Variants in DPP10 observed in about 807,000 individuals in gnomAD.
DPP10 encodes the protein dipeptidyl peptidase like 10.
DPP10 carries 33 observed loss-of-function variants against 120.9 expected under a neutral mutation model. The ratio of observed to expected loss-of-function variants is 0.27; its 90% CI spans 0.21 to 0.37. The LOEUF (loss-of-function observed/expected upper bound fraction) is 0.37, where lower values mean the gene tolerates loss of function less well. Ranked by LOEUF, DPP10 falls within the 10% of genes least tolerant of loss-of-function variation. DPP10 has a pLI of 1.00. For missense variants in DPP10, 816 were observed against 942.8 expected (o/e 0.87, Z 1.76); for synonymous variants, 337 against 326.1 (o/e 1.03, Z -0.36).
intron 1 of DPP10, among the ~76,000 whole-genome samples, chr2:114,460,897 A>G (rs1051933350): frequency 6.6e-6 from 1 of 152,206 alleles, no homozygotes. Flanking sequence ...TAATTGTGAT[A>G]TAATTGTTTG....
intron 5 of DPP10, among the ~76,000 whole-genome samples, chr2:115,540,535 C>T (rs1215097605): frequency 6.6e-6 from 1 of 151,776 alleles, no homozygotes; most frequent in East Asian, 1.9e-4. Context: ...ATAAGAGATA[C>T]CTTACAGGCT....
intron 1 of DPP10, among the ~76,000 whole-genome samples, chr2:114,899,359 A>G (rs1337697282): frequency 6.6e-6 from 1 of 152,136 alleles, no homozygotes; most frequent in Non-Finnish European, 1.5e-5. Context: ...AAAAATTAAC[A>G]GTTGGATACT....
chr2:115,562,717 C>G (rs989376082), intron 5 of DPP10, among the ~76,000 whole-genome samples: 1 of 152,192 alleles, frequency 6.6e-6, no homozygotes, highest in African/African-American at 2.4e-5. Context: ...AAAACATAAT[C>G]TCCCCAAAGG....
chr2:115,671,857 T>C (rs2089902886), intron 5 of DPP10, among the ~76,000 whole-genome samples: 1 of 152,196 alleles, frequency 6.6e-6, no homozygotes, highest in Non-Finnish European at 1.5e-5. Context: ...TTATTCAGCA[T>C]TTCTAGAGAA....
intron 24 of DPP10, among the ~76,000 whole-genome samples, chr2:115,839,113 C>T (rs908764397): frequency 1.3e-5 from 2 of 152,180 alleles, no homozygotes; most frequent in Non-Finnish European, 2.9e-5. Flanking sequence ...TTACCTCTGT[C>T]ATTGACCTTA....
Position 115,134,814 on chromosome 2 carries a change from T to C in DPP10, c.61-174425T>C, listed in dbSNP as rs1392803022. On this transcript the variant is annotated intron_variant, in intron 1 of 25. Transcript: ENST00000410059. ...ATTATATTACGTTTTGCTATTTTAG[T>C]AATGGAAAATTTTAAGCTCATGAAA... 4.6e-5 allele frequency among the ~76,000 whole-genome samples: 7 copies of C among 152,076 alleles called. No homozygotes were observed. In the East Asian group the frequency reaches 1.3e-3, roughly 29 times the overall value.
At chr2:115,089,443 G>A (rs1038526977) in intron 1 of DPP10, among the ~76,000 whole-genome samples, 1 of 152,112 alleles carries the variant, frequency 6.6e-6, no homozygotes, top group Non-Finnish European at 1.5e-5. Context: ...TGAGCACTCT[G>A]CCGTTTTCCA....
chr2:115,386,993 A>G (rs957260538), intron 3 of DPP10, among the ~76,000 whole-genome samples: 2 of 152,036 alleles, frequency 1.3e-5, no homozygotes. Context: ...AGCTAAACAT[A>G]TATATCTTAA....
Position 115,673,982 on chromosome 2 carries a change from C to T in DPP10, c.442-15705C>T, listed in dbSNP as rs375387907. ...ATCCCAGCACTTTGGGAGACCAAGGCGGGTGGATCACCTGAGGTCAGGAGT... is the reference window on the plus strand; with the variant it reads ...ATCCCAGCACTTTGGGAGACCAAGGTGGGTGGATCACCTGAGGTCAGGAGT... On this transcript the variant is annotated intron_variant, in intron 5 of 25. Transcript: ENST00000410059. 1.4e-4 allele frequency among the ~76,000 whole-genome samples: 22 copies of T among 152,186 alleles called. No individual in the cohort carries two copies. The East Asian group carries it at 3.7e-3, about 25-fold the overall frequency.
intron 9 of DPP10, among the ~76,000 whole-genome samples, chr2:115,742,987 C>A (rs1034428454): frequency 4.0e-5 from 6 of 151,248 alleles, no homozygotes; most frequent in African/African-American, 1.5e-4. Context: ...ATCCCAGTAA[C>A]CTCAGGTTAA....
intron 1 of DPP10, among the ~76,000 whole-genome samples, chr2:115,070,090 AAAAC>A (rs1707246993): frequency 6.6e-6 from 1 of 152,232 alleles, no homozygotes; most frequent in East Asian, 1.9e-4. Context: ...TGGGTGCTCT[AAAAC>A]AAACAAACAC....
intron 1 of DPP10, among the ~76,000 whole-genome samples, chr2:114,985,418 C>T (rs1015362036): frequency 7.9e-5 from 12 of 152,310 alleles, no homozygotes; most frequent in East Asian, 3.9e-4. Flanking sequence ...AATTATCTTG[C>T]GTACTTATTT....
At chr2:114,540,391 T>A (rs1686860309) in intron 1 of DPP10, among the ~76,000 whole-genome samples, 1 of 152,180 alleles carries the variant, frequency 6.6e-6, no homozygotes, top group South Asian at 2.1e-4. Context: ...TATACCTATT[T>A]TAAAAGGTAC....
chr2:114,656,662 C>T (rs1696989235), intron 1 of DPP10, among the ~76,000 whole-genome samples: 1 of 152,092 alleles, frequency 6.6e-6, no homozygotes, highest in Non-Finnish European at 1.5e-5. Context: ...TAGGACAAAA[C>T]TTCCGTTTAT....
chr2:115,471,977 T>A (rs1292771499), intron 3 of DPP10, among the ~76,000 whole-genome samples: 3 of 152,084 alleles, frequency 2.0e-5, no homozygotes, highest in African/African-American at 7.2e-5. Context: ...ATTTTTGGAA[T>A]ATTCTCCCCA....
intron 5 of DPP10, among the ~76,000 whole-genome samples, chr2:115,641,462 C>A (rs572660523): frequency 2.6e-5 from 4 of 152,286 alleles, no homozygotes; most frequent in African/African-American, 9.6e-5. Flanking sequence ...TCTTCCCGTT[C>A]ATTTCCAATA....
intron 1 of DPP10, among the ~76,000 whole-genome samples, chr2:115,242,619 T>C (rs999577422): frequency 6.6e-6 from 1 of 152,128 alleles, no homozygotes; most frequent in Non-Finnish European, 1.5e-5. Context: ...TAGTTTACAT[T>C]ACTACCAGCA....
At chr2:115,647,225 C>T (rs2087340320) in intron 5 of DPP10, among the ~76,000 whole-genome samples, 1 of 152,184 alleles carries the variant, frequency 6.6e-6, no homozygotes, top group Non-Finnish European at 1.5e-5. Flanking sequence ...TTGGGTTTAA[C>T]CGCTTTATCA....
chr2:115,096,295 C>T (rs937255391), intron 1 of DPP10, among the ~76,000 whole-genome samples: 2 of 152,112 alleles, frequency 1.3e-5, no homozygotes, highest in Admixed American at 6.6e-5. Flanking sequence ...GTGGCCAACA[C>T]CCAAGCTGTA....
Sources: allele counts gnomAD v4.1 joint callset (sites outside exome capture counted in the v4.1 genomes callset), GRCh38; gene constraint gnomAD v4.1.1; transcripts MANE v1.5; gene names NCBI Gene and HGNC (gene_info 2026-07-23, HGNC 2026-07-21).